Variants in RSL1D1 observed in about 807,000 individuals in gnomAD.
RSL1D1 encodes ribosomal L1 domain-containing protein 1.
A neutral mutation model predicts 44.6 loss-of-function variants in RSL1D1; 34 were observed. The ratio of observed to expected loss-of-function variants is 0.76; its 90% CI spans 0.58 to 1.02. The LOEUF (loss-of-function observed/expected upper bound fraction) is 1.02. Ranked by LOEUF, RSL1D1 falls within the 50% of genes least tolerant of loss-of-function variation. RSL1D1 has a pLI of 0.00. For synonymous variants in RSL1D1, 271 were observed against 207.4 expected (o/e 1.31, Z -2.63); for missense variants, 767 against 568.1 (o/e 1.35, Z -3.56).
In RSL1D1 at chr16:11,834,756, A is replaced by C. The variant is rs1009922950; in HGVS notation, c.*3031T>G. ...AGCCCAAAAGGACAGTGGGGTTACA[A>C]ATAATTTTATATTTTAGATGCTTTC... On this transcript the variant is annotated 3_prime_UTR_variant, in exon 9 of 9. Transcript: ENST00000571133. 1.3e-5 allele frequency: 2 copies of C among 152,366 alleles called. No individual in the cohort carries two copies. The highest frequency in any genetic ancestry group is 1.5e-5 in the Non-Finnish European group (1 of 68,032). The allele number at this position is 152,366 out of a possible 1,614,324, so 9.4% of individuals were successfully genotyped here. A position where few individuals can be genotyped will look rare whatever the true frequency, so the allele number is the denominator to read the frequency against.
chr16:11,851,334 G>T, intron 1 of RSL1D1, 74 bp downstream of exon 1: 1 of 1,401,938 alleles, frequency 7.1e-7, no homozygotes. Flanking sequence ...GCACGCACTC[G>T]GGTTCCGGCA....
chr16:11,840,074 TCCA>T lies in RSL1D1; in HGVS notation c.856-92_856-90del. 3.9e-6 allele frequency: 6 copies of T among 1,531,160 alleles called. No homozygotes were observed. In the South Asian group the frequency reaches 3.9e-5, roughly 10 times the overall value. The allele number at this position is 1,531,160 out of a possible 1,614,324, so 94.8% of individuals were successfully genotyped here. ...GATGTACCACGTGCAGTTTTGATTA[TCCA>T]TAAGCCCCTAAATGGACCTCGATCT... On this transcript the variant is annotated intron_variant, in intron 7 of 8. Transcript: ENST00000571133.
chr16:11,846,442 T>C (rs574569191), intron 5 of RSL1D1, 59 bp downstream of exon 5: 1 of 905,878 alleles, frequency 1.1e-6, no homozygotes, highest in African/African-American at 1.7e-5. Context: ...AATAAGTATA[T>C]ATAAAATCAT....
In RSL1D1 at chr16:11,846,848, G is replaced by T; in HGVS notation, c.385-5C>A. The T allele has an allele frequency of 1.3e-6, 2 of 1,584,148 alleles. No homozygotes were observed. Among genetic ancestry groups the T allele is most frequent in the Non-Finnish European group, 1.7e-6 (2 of 1,160,014 alleles). On this transcript the variant is annotated splice_region_variant and splice_polypyrimidine_tract_variant and intron_variant, in intron 3 of 8. Coordinates refer to ENST00000571133, the MANE Select transcript of RSL1D1 (RefSeq NM_015659.3). ...TAGAGTTTGGAGGGAGATAATCTAG[G>T]AAGTATAGAGAAGAATAAAAACAAG...
At chr16:11,850,563 C>G in intron 1 of RSL1D1, 145 bp from the exon 2 acceptor site, 1 of 756,980 alleles carries the variant, frequency 1.3e-6, no homozygotes, top group Non-Finnish European at 2.1e-6. Context: ...AAGGGGTAAC[C>G]TCCATAACCG....
At chr16:11,841,849 T>C in intron 6 of RSL1D1, 29 bp from the exon 7 acceptor site, 1 of 1,612,138 alleles carries the variant, frequency 6.2e-7, no homozygotes, top group Non-Finnish European at 8.5e-7. Context: ...TAACATCGTC[T>C]ACATATACTT....
At chr16:11,850,151 G>A in intron 2 of RSL1D1, 128 bp downstream of exon 2, 1 of 901,556 alleles carries the variant, frequency 1.1e-6, no homozygotes, top group Non-Finnish European at 1.6e-6. Context: ...GGACATAGTT[G>A]TTTTACTTCA....
intron 5 of RSL1D1, among the ~76,000 whole-genome samples, chr16:11,844,395 C>T (rs2053784236): frequency 6.6e-6 from 1 of 152,182 alleles, no homozygotes; most frequent in South Asian, 2.1e-4. Context: ...CCATCTTCTT[C>T]TCCCAGATAC....
chr16:11,842,701 T>C (rs1396577605), intron 5 of RSL1D1, among the ~76,000 whole-genome samples: 1 of 151,788 alleles, frequency 6.6e-6, no homozygotes, highest in African/African-American at 2.4e-5. Context: ...AAGATTATCA[T>C]CTTTCATGTA....
intron 1 of RSL1D1, 23 bp downstream of exon 1, chr16:11,851,383 GCC>G (rs777687107): frequency 1.2e-5 from 20 of 1,608,458 alleles, no homozygotes; most frequent in Non-Finnish European, 1.4e-5. Flanking sequence ...CTGCTTCCAA[GCC>G]ACCCTCCCCA....
chr16:11,840,484 T>A (rs1447855258), intron 7 of RSL1D1, among the ~76,000 whole-genome samples: 1 of 152,060 alleles, frequency 6.6e-6, no homozygotes, highest in Non-Finnish European at 1.5e-5. Flanking sequence ...AGAGAATCAT[T>A]TGAACCTGGA....
Position 11,837,751 on chromosome 16 carries a change from C to T in RSL1D1, c.*36G>A. On this transcript the variant is annotated 3_prime_UTR_variant, in exon 9 of 9. Coordinates refer to ENST00000571133, the MANE Select transcript of RSL1D1 (RefSeq NM_015659.3). ...GAGTATTTCCAAAAAGCTCTGGAGG[C>T]AGCATTGAGGTTTCCTTCCAGTTGA... 6.5e-7 allele frequency: 1 copy of T among 1,528,832 alleles called. No homozygotes were observed. The highest frequency in any genetic ancestry group is 8.9e-7 in the Non-Finnish European group (1 of 1,123,328). 94.7% of individuals were successfully genotyped at this position (1,528,832 alleles called of 1,614,324 possible).
At chr16:11,849,903 G>A (rs528290710) in intron 2 of RSL1D1, among the ~76,000 whole-genome samples, 1 of 152,108 alleles carries the variant, frequency 6.6e-6, no homozygotes, top group South Asian at 2.1e-4. Context: ...CTAGGCTGGA[G>A]TGCAATGGAG....
rs1307030344 is a variant in RSL1D1 at position 11,837,915 on chromosome 16, T to C, written c.1345A>G (p.Lys449Glu). The C allele has an allele frequency of 6.2e-7, 1 of 1,614,116 alleles. No homozygotes were observed. The highest frequency in any genetic ancestry group is 1.7e-5 in the Admixed American group (1 of 59,994). ...VKEKSPSLGK[K>E]DARQTPKKPE... ...TTTTTTGGAGTCTGTCTCGCATCTT[T>C]TTTCCCCAGCGAAGGACTTTTTTCC... Residue 449 changes from lysine (K) to glutamate (E), a missense_variant, in exon 9 of 9, where the codon AAA becomes GAA. Physicochemically the swap from Lys to Glu is moderately conservative, Grantham distance 56. Coordinates refer to ENST00000571133, the MANE Select transcript of RSL1D1 (RefSeq NM_015659.3).
chr16:11,840,992 A>G (rs2053760757), intron 7 of RSL1D1, among the ~76,000 whole-genome samples: 1 of 152,212 alleles, frequency 6.6e-6, no homozygotes, highest in Non-Finnish European at 1.5e-5. Context: ...TTTCAAATGT[A>G]TATATAGCTC....
intron 5 of RSL1D1, among the ~76,000 whole-genome samples, chr16:11,842,430 G>A (rs761819387): frequency 6.6e-6 from 1 of 151,956 alleles, no homozygotes; most frequent in Non-Finnish European, 1.5e-5. Flanking sequence ...TTTTCCTGTC[G>A]CCCAGGCTGA....
intron 7 of RSL1D1, 125 bp from the exon 8 acceptor site, chr16:11,840,110 GAACA>G (rs1200378574): frequency 7.0e-7 from 1 of 1,421,938 alleles, no homozygotes; most frequent in Non-Finnish European, 9.4e-7. Flanking sequence ...TCTATACAGA[GAACA>G]AACTCCCTAA....
chr16:11,850,356 C>G lies in RSL1D1; in HGVS notation c.168G>C (p.Leu56Phe). The G allele has an allele frequency of 6.2e-7, 1 of 1,601,280 alleles. No individual in the cohort carries two copies. The highest frequency in any genetic ancestry group is 8.5e-7 in the Non-Finnish European group (1 of 1,176,968). The stretch of plus-strand genomic sequence containing the variant: ...ATAAACTTTCATTCTCATTCAAAAG[C>G]AACCCATAATTGTTTTTCCTGGACT... ...HCKSRKNNYG[L>F]LLNENESLFL... The change falls in exon 2 of 9, where the codon TTG becomes TTC. Residue 56 changes from leucine (L) to phenylalanine (F), a missense_variant. Coordinates refer to ENST00000571133, the MANE Select transcript of RSL1D1 (RefSeq NM_015659.3).
At chr16:11,847,324 G>A (rs906529992) in intron 3 of RSL1D1, among the ~76,000 whole-genome samples, 16 of 152,092 alleles carry the variant, frequency 1.1e-4, no homozygotes, top group African/African-American at 3.9e-4. Flanking sequence ...GCAGTGAGCC[G>A]AGGTCCTGCC....
Sources: allele counts gnomAD v4.1 joint callset (sites outside exome capture counted in the v4.1 genomes callset), GRCh38; gene constraint gnomAD v4.1.1; transcripts MANE v1.5; gene names NCBI Gene and HGNC (gene_info 2026-07-23, HGNC 2026-07-21).